Variants in MSRA observed in about 807,000 individuals in gnomAD.
The protein encoded by MSRA is methionine sulfoxide reductase A.
Under a neutral mutation model 31.3 loss-of-function variants are expected in MSRA, and 54 were observed. That is an observed-to-expected ratio of 1.73 (90% confidence interval 1.39 to 2.17). MSRA has a LOEUF of 2.17. MSRA is among the 30% of genes most tolerant of loss of function. The pLI is 0.00. For missense variants in MSRA, 507 were observed against 300.9 expected (o/e 1.69, Z -5.07); for synonymous variants, 169 against 116.5 (o/e 1.45, Z -2.90).
chr8:10,280,555 C>G (rs1336328821), intron 3 of MSRA, among the ~76,000 whole-genome samples: 2 of 152,186 alleles, frequency 1.3e-5, no homozygotes, highest in Non-Finnish European at 2.9e-5. Context: ...TTGTAACCCT[C>G]ATACACTGCT....
chr8:10,384,379 G>C (rs577111910), intron 5 of MSRA, among the ~76,000 whole-genome samples: 3 of 152,342 alleles, frequency 2.0e-5, no homozygotes, highest in African/African-American at 7.2e-5. Context: ...GATATCGACA[G>C]ACCAGTGTCA....
At chr8:10,212,848 A>G (rs778943647) in intron 2 of MSRA, among the ~76,000 whole-genome samples, 2 of 152,162 alleles carry the variant, frequency 1.3e-5, no homozygotes, top group East Asian at 1.9e-4. Flanking sequence ...TTAAAAAAAC[A>G]TTCTGCTAAG....
intron 2 of MSRA, among the ~76,000 whole-genome samples, chr8:10,212,471 A>G (rs1424774324): frequency 3.3e-5 from 5 of 152,242 alleles, no homozygotes; most frequent in Non-Finnish European, 7.3e-5. Context: ...AAAAATTGCA[A>G]TGACATAGAT....
intron 3 of MSRA, among the ~76,000 whole-genome samples, chr8:10,286,989 A>C (rs1189367790): frequency 6.6e-6 from 1 of 152,238 alleles, no homozygotes; most frequent in African/African-American, 2.4e-5. Flanking sequence ...CGATTCGTCC[A>C]AATCAAATAT....
At chr8:10,229,980 T>A (rs528843993) in intron 2 of MSRA, among the ~76,000 whole-genome samples, 1 of 152,346 alleles carries the variant, frequency 6.6e-6, no homozygotes, top group South Asian at 2.1e-4. Context: ...CATTCTTCTT[T>A]TTAGGAATCC....
intron 2 of MSRA, among the ~76,000 whole-genome samples, chr8:10,223,844 C>T (rs1020446145): frequency 4.6e-5 from 7 of 152,042 alleles, no homozygotes; most frequent in African/African-American, 1.7e-4. Flanking sequence ...ACGTGAAGAC[C>T]CATCTTACTC....
chr8:10,367,868 C>T (rs1317562590), intron 5 of MSRA, among the ~76,000 whole-genome samples: 3 of 152,132 alleles, frequency 2.0e-5, no homozygotes, highest in Non-Finnish European at 4.4e-5. Flanking sequence ...GCCTGAGAAG[C>T]CCAAGTGAGG....
chr8:10,315,936 T>C (rs1297798804), intron 4 of MSRA, among the ~76,000 whole-genome samples: 1 of 152,236 alleles, frequency 6.6e-6, no homozygotes, highest in Non-Finnish European at 1.5e-5. Flanking sequence ...ATGATAACTT[T>C]TGACCTTTCA....
At chr8:10,341,553 T>C (rs1255867385) in intron 5 of MSRA, among the ~76,000 whole-genome samples, 1 of 152,154 alleles carries the variant, frequency 6.6e-6, no homozygotes, top group Admixed American at 6.5e-5. Flanking sequence ...ATTTAAACCA[T>C]ATCAACTCTC....
rs182591767 is a variant in MSRA, at chr8:10,211,367, C to A, written c.211+3466C>A. ...TCTCCTTTTCTCTCTGGTTTTTCTG[C>A]CCCCATCATTCTTAGCTTCCTCTGT... On this transcript the variant is annotated intron_variant, in intron 2 of 5. Coordinates refer to ENST00000317173, the MANE Select transcript of MSRA (RefSeq NM_012331.5). Among the ~76,000 whole-genome samples the A allele has an allele frequency of 7.7e-3, 1,171 of 152,240 alleles. 5 individuals are homozygous for A. The highest frequency in any genetic ancestry group is 0.01 in the Non-Finnish European group (714 of 68,014).
chr8:10,404,417 C>T (rs1287074406), intron 5 of MSRA, among the ~76,000 whole-genome samples: 1 of 152,228 alleles, frequency 6.6e-6, no homozygotes, highest in African/African-American at 2.4e-5. Context: ...CCCCAACCCT[C>T]CGTGGGGAGG....
chr8:10,099,459 A>G (rs746102586), intron 1 of MSRA, among the ~76,000 whole-genome samples: 14 of 152,194 alleles, frequency 9.2e-5, no homozygotes, highest in Non-Finnish European at 1.9e-4. Flanking sequence ...GAATGTAGGT[A>G]CCTTTTCAGG....
intron 1 of MSRA, among the ~76,000 whole-genome samples, chr8:10,144,852 C>T (rs543327574): frequency 6.6e-6 from 1 of 152,112 alleles, no homozygotes; most frequent in Non-Finnish European, 1.5e-5. Flanking sequence ...TCTGTTAACT[C>T]TGTGCCTTGA....
chr8:10,105,194 C>G (rs141731948), intron 1 of MSRA, among the ~76,000 whole-genome samples: 1 of 151,664 alleles, frequency 6.6e-6, no homozygotes, highest in Non-Finnish European at 1.5e-5. Flanking sequence ...CCTTCTCAAT[C>G]TTTTTTTTTC....
chr8:10,132,671 G>C (rs1248168651), intron 1 of MSRA, among the ~76,000 whole-genome samples: 5 of 152,146 alleles, frequency 3.3e-5, no homozygotes, highest in African/African-American at 9.7e-5. Flanking sequence ...GATCCACCTG[G>C]TATATTTAAA....
At chr8:10,409,656 C>T (rs1036544551) in intron 5 of MSRA, among the ~76,000 whole-genome samples, 1 of 152,220 alleles carries the variant, frequency 6.6e-6, no homozygotes, top group Non-Finnish European at 1.5e-5. Flanking sequence ...TGAATGCATA[C>T]GCAGCATCAC....
intron 5 of MSRA, among the ~76,000 whole-genome samples, chr8:10,345,461 C>A (rs1803710613): frequency 1.3e-5 from 2 of 152,278 alleles, no homozygotes; most frequent in East Asian, 3.9e-4. Context: ...ATCCAAGGGT[C>A]CACCATTATC....
chr8:10,099,749 GC>G lies in MSRA; in HGVS notation c.142+45092del, dbSNP rs372617901. ...GCCACATTATTTGTGACCACATTAG[GC>G]TCTCTTGCGGTGGCCATTGGAGATG... On this transcript the variant is annotated intron_variant, in intron 1 of 5. Transcript: ENST00000317173. 9.5e-4 allele frequency among the ~76,000 whole-genome samples: 145 copies of G among 152,312 alleles called. 1 individual carries two copies. Among genetic ancestry groups the G allele is most frequent in the African/African-American group, 3.2e-3 (131 of 41,564 alleles).
chr8:10,085,933 T>G (rs550929386), intron 1 of MSRA, among the ~76,000 whole-genome samples: 7 of 152,366 alleles, frequency 4.6e-5, no homozygotes, highest in African/African-American at 1.7e-4. Context: ...TTGTTTCATT[T>G]TATTCCTTAG....
Sources: allele counts gnomAD v4.1 joint callset (sites outside exome capture counted in the v4.1 genomes callset), GRCh38; gene constraint gnomAD v4.1.1; transcripts MANE v1.5; gene names NCBI Gene and HGNC (gene_info 2026-07-23, HGNC 2026-07-21).